Variants in CDKL1 observed in about 807,000 individuals in gnomAD.
The protein encoded by CDKL1 is cyclin-dependent kinase-like 1.
CDKL1 carries 41 observed loss-of-function variants against 42.0 expected under a neutral mutation model. That is an observed-to-expected ratio of 0.98 (90% CI 0.76 to 1.27). CDKL1 has a LOEUF of 1.27. Among genes scored for constraint, CDKL1 ranks in the 50% most tolerant of loss-of-function variants. The probability of loss-of-function intolerance (pLI) is 0.00; values close to 1 mark genes in which losing one functional copy is unlikely to be tolerated. For synonymous variants in CDKL1, 153 were observed against 158.6 expected (o/e 0.96, Z 0.26); for missense variants, 394 against 428.4 (o/e 0.92, Z 0.71).
chr14:50,342,285 C>G (rs1000157483), intron 4 of CDKL1, 63 bp from the exon 5 acceptor site: 2 of 1,532,534 alleles, frequency 1.3e-6, no homozygotes, highest in African/African-American at 1.4e-5. Flanking sequence ...ATAAATGAAA[C>G]ACATGACTAT....
intron 4 of CDKL1, 86 bp downstream of exon 4, chr14:50,344,899 AC>A: frequency 8.7e-7 from 1 of 1,148,272 alleles, no homozygotes; most frequent in South Asian, 1.4e-5. Flanking sequence ...AATTTTACCC[AC>A]AGAAGTGTGA....
rs1007531638 is a variant in CDKL1, at chr14:50,329,851, G to C, written c.*223C>G. 15 of 500,576 alleles carry C rather than the reference G, an allele frequency of 3.0e-5. No individual in the cohort carries two copies. Among genetic ancestry groups the C allele is most frequent in the Non-Finnish European group, 6.9e-6 (2 of 288,738 alleles). 31.0% of individuals were successfully genotyped at this position (500,576 alleles called of 1,614,324 possible). On this transcript the variant is annotated 3_prime_UTR_variant, in exon 10 of 10. Coordinates refer to ENST00000395834, the MANE Select transcript of CDKL1 (RefSeq NM_004196.7). ...TACTTACATAAACTGAAATACAAGT[G>C]CAACTCCAAACAGGTTTTTTCTTTT...
At chr14:50,380,362 C>T in intron 2 of CDKL1, 1 of 394,316 alleles carries the variant, frequency 2.5e-6, no homozygotes, top group South Asian at 1.9e-5. Context: ...AACTGTACTT[C>T]CAATTGCAGC....
chr14:50,360,386 T>C (rs2034200586), intron 2 of CDKL1, among the ~76,000 whole-genome samples: 1 of 152,072 alleles, frequency 6.6e-6, no homozygotes, highest in South Asian at 2.1e-4. Context: ...CCCTGCCAAA[T>C]ACCATTCCAC....
chr14:50,383,995 C>A (rs1454666483), intron 2 of CDKL1, among the ~76,000 whole-genome samples: 3 of 152,150 alleles, frequency 2.0e-5, no homozygotes, highest in Admixed American at 1.3e-4. Context: ...AACAAAACAG[C>A]CTGTTACTAT....
At chr14:50,345,957 G>A (rs935199808) in intron 3 of CDKL1, among the ~76,000 whole-genome samples, 1 of 152,162 alleles carries the variant, frequency 6.6e-6, no homozygotes, top group African/African-American at 2.4e-5. Context: ...CCAAGGCAGG[G>A]AGTGTAAGAA....
At position 50,329,783 on chromosome 14, in the gene CDKL1, G is replaced by A. The variant is rs1250758413; in HGVS notation, c.*291C>T. 1 of 255,084 alleles carries A rather than the reference G, an allele frequency of 3.9e-6. No individual in the cohort carries two copies. Among genetic ancestry groups the A allele is most frequent in the East Asian group, 1.1e-4 (1 of 9,210 alleles). 15.8% of individuals were successfully genotyped at this position (255,084 alleles called of 1,614,324 possible). ...AATCTTTTTGATATCATCTAGTTTT[G>A]CCAGAGGTATGGGACAGTTCATATT... On this transcript the variant is annotated 3_prime_UTR_variant, in exon 10 of 10. Coordinates refer to ENST00000395834, the MANE Select transcript of CDKL1 (RefSeq NM_004196.7).
At chr14:50,357,674 A>C (rs140102298) in intron 3 of CDKL1, among the ~76,000 whole-genome samples, 1 of 152,312 alleles carries the variant, frequency 6.6e-6, no homozygotes, top group African/African-American at 2.4e-5. Flanking sequence ...TAGCAACAGT[A>C]ATAGGCCCCA....
chr14:50,382,010 C>T (rs1162218263), intron 2 of CDKL1, among the ~76,000 whole-genome samples: 4 of 152,140 alleles, frequency 2.6e-5, no homozygotes, highest in Non-Finnish European at 5.9e-5. Context: ...GATTTTCAAC[C>T]AGGCAATTTT....
chr14:50,370,349 G>A (rs1369762271), intron 2 of CDKL1, among the ~76,000 whole-genome samples: 4 of 152,200 alleles, frequency 2.6e-5, no homozygotes, highest in Non-Finnish European at 5.9e-5. Context: ...GATTACAGGC[G>A]TGAGCCCCTG....
chr14:50,335,969 C>A, intron 7 of CDKL1: 1 of 1,365,600 alleles, frequency 7.3e-7, no homozygotes, highest in Non-Finnish European at 9.8e-7. Context: ...GACAGTAGCC[C>A]CTGTTGCACC....
chr14:50,372,863 C>T (rs2034627183), intron 2 of CDKL1, among the ~76,000 whole-genome samples: 1 of 151,742 alleles, frequency 6.6e-6, no homozygotes, highest in Non-Finnish European at 1.5e-5. Flanking sequence ...CATTTCTGGG[C>T]TCTCCATTGT....
intron 2 of CDKL1, among the ~76,000 whole-genome samples, chr14:50,376,804 T>G (rs928090111): frequency 1.3e-5 from 2 of 152,186 alleles, no homozygotes; most frequent in African/African-American, 2.4e-5. Context: ...TTAACAAAAC[T>G]GACAAAAATC....
chr14:50,376,772 T>C (rs1262816767), intron 2 of CDKL1, among the ~76,000 whole-genome samples: 1 of 152,208 alleles, frequency 6.6e-6, no homozygotes, highest in Non-Finnish European at 1.5e-5. Flanking sequence ...TGGACACTAC[T>C]GTAAGATCTG....
intron 2 of CDKL1, among the ~76,000 whole-genome samples, chr14:50,367,752 C>T (rs982807711): frequency 6.6e-5 from 10 of 152,124 alleles, no homozygotes; most frequent in Non-Finnish European, 1.3e-4. Flanking sequence ...AGGTCTGGGG[C>T]GTCTGTGCTG....
chr14:50,353,964 T>C (rs1383202212), intron 3 of CDKL1, among the ~76,000 whole-genome samples: 1 of 151,844 alleles, frequency 6.6e-6, no homozygotes, highest in Non-Finnish European at 1.5e-5. Flanking sequence ...TTTCTTTTTT[T>C]TTTTTTTGAG....
At chr14:50,352,335 AAT>A (rs148438330) in intron 3 of CDKL1, among the ~76,000 whole-genome samples, 1 of 151,728 alleles carries the variant, frequency 6.6e-6, no homozygotes, top group Non-Finnish European at 1.5e-5. Flanking sequence ...TATAAGAAAA[AAT>A]ATATATATAT....
At position 50,334,812 on chromosome 14, in the gene CDKL1, G is replaced by A. The variant is rs985396743; in HGVS notation, c.739-191C>T. 51 of 528,998 alleles carry A rather than the reference G, an allele frequency of 9.6e-5. No individual in the cohort carries two copies. The Admixed American group carries it at 1.3e-3, about 14-fold the overall frequency. The allele number at this position is 528,998 out of a possible 1,614,324, so 32.8% of individuals were successfully genotyped here. On this transcript the variant is annotated intron_variant, in intron 7 of 9. Transcript: ENST00000395834. ...AGCTTTCTCTCCCCACCTCCAAATC[G>A]CTTTTCCAAATTTGCTTCGTAACTA...
At position 50,327,801 on chromosome 14, in the gene CDKL1, A is replaced by G. The variant is rs900985995; in HGVS notation, c.*2273T>C. ...AATATAAACTTGAAAATAATTTTCT[A>G]TGATACAGCTTTCAGGTAGAAAAAT... is the stretch of plus-strand genomic sequence containing the variant. On this transcript the variant is annotated 3_prime_UTR_variant, in exon 10 of 10. Coordinates refer to ENST00000395834, the MANE Select transcript of CDKL1 (RefSeq NM_004196.7). The G allele has an allele frequency of 7.9e-5, 12 of 152,186 alleles. No individual in the cohort carries two copies. Among genetic ancestry groups the G allele is most frequent in the African/African-American group, 1.9e-4 (8 of 41,446 alleles). 9.4% of individuals were successfully genotyped at this position (152,186 alleles called of 1,614,324 possible).
Sources: gnomAD v4.1 joint callset for allele counts (sites outside exome capture counted in the v4.1 genomes callset) on GRCh38, gnomAD v4.1.1 for gene constraint, MANE v1.5 for transcripts, NCBI Gene and HGNC (gene_info 2026-07-23, HGNC 2026-07-21) for gene names.